The following EBF1 variants were observed in gnomAD, a reference collection of about 807,000 sequenced individuals.
EBF1 encodes transcription factor COE1.
In EBF1, 10 loss-of-function variants were observed where a neutral mutation model predicts 68.4. The observed-to-expected ratio is 0.15, with a 90% CI of 0.09 to 0.25. The LOEUF is 0.25. Ranked by LOEUF, EBF1 falls within the 10% of genes least tolerant of loss-of-function variation. The pLI is 1.00. For synonymous variants in EBF1, 298 were observed against 299.8 expected, an observed-to-expected ratio of 0.99 and a Z score of 0.06; for missense variants, 509 against 794.4, an observed-to-expected ratio of 0.64 and a Z score of 4.32.
intron 11 of EBF1, among the ~76,000 whole-genome samples, chr5:158,724,885 G>A (rs1370055510): frequency 6.6e-6 from 1 of 152,200 alleles, no homozygotes; most frequent in Non-Finnish European, 1.5e-5. Context: ...TATTCAGCAT[G>A]AGGCTAATGT....
chr5:158,885,208 T>C (rs970900901), intron 6 of EBF1, among the ~76,000 whole-genome samples: 3 of 152,008 alleles, frequency 2.0e-5, no homozygotes, highest in Admixed American at 6.6e-5. Flanking sequence ...CAGATGACAA[T>C]GGGAAGACAT....
At chr5:158,977,885 C>T (rs139872713) in intron 6 of EBF1, among the ~76,000 whole-genome samples, 3 of 152,120 alleles carry the variant, frequency 2.0e-5, no homozygotes, top group African/African-American at 7.2e-5. Context: ...AAGAGACATA[C>T]ACACACACAA....
At chr5:158,823,054 T>A in intron 8 of EBF1, 122 bp downstream of exon 8, 1 of 1,387,232 alleles carries the variant, frequency 7.2e-7, no homozygotes, top group Non-Finnish European at 1.0e-6. Context: ...AGAGGACCAA[T>A]CTTATTCAAA....
rs1204260684 is a variant in EBF1, at chr5:158,697,056, A to T, written c.*2055T>A. 2.6e-5 allele frequency: 5 copies of T among 189,270 alleles called. No individual in the cohort carries two copies. The highest frequency in any genetic ancestry group is 4.4e-5 in the Non-Finnish European group (4 of 90,046). 11.7% of individuals were successfully genotyped at this position (189,270 alleles called of 1,614,324 possible). ...TATATTTATGTGAAAGACAGAGGAA[A>T]TATACAAGCAGACTTAAGAAAGAAA... On this transcript the variant is annotated 3_prime_UTR_variant, in exon 16 of 16. Transcript: ENST00000313708.
intron 7 of EBF1, among the ~76,000 whole-genome samples, chr5:158,825,624 G>A (rs958335122): frequency 3.3e-5 from 5 of 151,828 alleles, no homozygotes; most frequent in Admixed American, 2.0e-4. Context: ...TGTCAAAAAC[G>A]GTTAAGGAAA....
At chr5:158,719,672 G>T (rs1445955408) in intron 11 of EBF1, among the ~76,000 whole-genome samples, 1 of 152,108 alleles carries the variant, frequency 6.6e-6, no homozygotes, top group South Asian at 2.1e-4. Flanking sequence ...AACCCCAGAT[G>T]AGCAGGGAAG....
At chr5:158,988,192 C>T (rs1397697205) in intron 6 of EBF1, among the ~76,000 whole-genome samples, 1 of 152,212 alleles carries the variant, frequency 6.6e-6, no homozygotes, top group Non-Finnish European at 1.5e-5. Context: ...GTGGACCTGG[C>T]CCATTCTGGT....
intron 6 of EBF1, among the ~76,000 whole-genome samples, chr5:159,034,528 G>T (rs189603460): frequency 6.6e-6 from 1 of 152,170 alleles, no homozygotes; most frequent in Admixed American, 6.5e-5. Flanking sequence ...ACAGCAAATC[G>T]ATTAGTGCTC....
intron 3 of EBF1, 22 bp downstream of exon 3, chr5:159,096,321 A>T (rs779267874): frequency 5.6e-6 from 9 of 1,610,950 alleles, no homozygotes; most frequent in South Asian, 3.3e-5. Context: ...GGGTGAGGCC[A>T]TAGACCCGAC....
chr5:158,779,435 T>C (rs926014072), intron 9 of EBF1, among the ~76,000 whole-genome samples: 1 of 152,194 alleles, frequency 6.6e-6, no homozygotes, highest in African/African-American at 2.4e-5. Context: ...TCAGTTTTTT[T>C]CTGATCCAAA....
At chr5:158,843,721 T>C (rs745597175) in intron 6 of EBF1, among the ~76,000 whole-genome samples, 7 of 152,146 alleles carry the variant, frequency 4.6e-5, no homozygotes, top group Non-Finnish European at 8.8e-5. Flanking sequence ...CTTTCAAAGT[T>C]TTCCCCTAAG....
Position 158,888,225 on chromosome 5 carries a change from C to T in EBF1, c.555-48115G>A, listed in dbSNP as rs534669306. Among the ~76,000 whole-genome samples, 3 of 152,100 alleles carry T rather than the reference C, an allele frequency of 2.0e-5. No homozygotes were observed. In the South Asian group the frequency reaches 6.2e-4, roughly 32 times the overall value. On this transcript the variant is annotated intron_variant, in intron 6 of 15. Transcript: ENST00000313708. ...CCTAGTTGGTGAAGAAATGAAAGAG[C>T]CTCTTAAAATTCACTCCTCATTTTT...
chr5:158,812,753 T>A (rs1477282227), intron 8 of EBF1, among the ~76,000 whole-genome samples: 1 of 152,168 alleles, frequency 6.6e-6, no homozygotes, highest in Non-Finnish European at 1.5e-5. Context: ...GCTGGTTCCG[T>A]ATGTATTATC....
intron 6 of EBF1, among the ~76,000 whole-genome samples, chr5:158,906,436 T>A (rs1445459053): frequency 1.3e-5 from 2 of 152,104 alleles, no homozygotes; most frequent in Non-Finnish European, 2.9e-5. Context: ...AAAATTCAGT[T>A]TAATGAGATG....
chr5:158,725,308 C>T (rs1203468138), intron 11 of EBF1, among the ~76,000 whole-genome samples: 4 of 152,218 alleles, frequency 2.6e-5, no homozygotes, highest in Admixed American at 1.3e-4. Context: ...CCACCATCCA[C>T]CCCACTGGTG....
chr5:158,928,246 A>G (rs959944019), intron 6 of EBF1, among the ~76,000 whole-genome samples: 1 of 152,236 alleles, frequency 6.6e-6, no homozygotes, highest in African/African-American at 2.4e-5. Flanking sequence ...GCTTGTAAAG[A>G]TCAAATGATA....
At chr5:158,996,773 A>T (rs959258535) in intron 6 of EBF1, among the ~76,000 whole-genome samples, 1 of 152,244 alleles carries the variant, frequency 6.6e-6, no homozygotes, top group African/African-American at 2.4e-5. Context: ...TAATAAAAGA[A>T]GGCTCACATC....
intron 14 of EBF1, 60 bp downstream of exon 14, chr5:158,712,094 C>T: frequency 6.3e-7 from 1 of 1,589,100 alleles, no homozygotes; most frequent in Non-Finnish European, 8.6e-7. Flanking sequence ...GGCCACATGG[C>T]ATGATGCCAA....
intron 10 of EBF1, among the ~76,000 whole-genome samples, chr5:158,734,748 G>T (rs1257962520): frequency 2.0e-5 from 3 of 151,794 alleles, no homozygotes; most frequent in African/African-American, 7.3e-5. Context: ...AAACTTAATT[G>T]GACACAATTA....
Sources: allele counts gnomAD v4.1 joint callset (sites outside exome capture counted in the v4.1 genomes callset), GRCh38; gene constraint gnomAD v4.1.1; transcripts MANE v1.5; gene names NCBI Gene and HGNC (gene_info 2026-07-23, HGNC 2026-07-21).